Variants in TAF1 observed in about 807,000 individuals in gnomAD.
TAF1 encodes TATA-box binding protein associated factor 1.
A neutral mutation model predicts 138.5 loss-of-function variants in TAF1; 2 were observed. That is an observed-to-expected ratio of 0.01 (90% CI 0.01 to 0.05). The LOEUF is 0.05. Among genes scored for constraint, TAF1 ranks in the 10% least tolerant of loss-of-function variants. TAF1 has a pLI of 1.00. For synonymous variants in TAF1, 437 were observed against 503.2 expected (o/e 0.87, Z 1.76); for missense variants, 709 against 1,478.0 (o/e 0.48, Z 8.53).
intron 25 of TAF1, among the ~76,000 whole-genome samples, chrX:71,405,013 G>C (rs113184402): frequency 1.0e-5 from 1 of 97,222 alleles, no homozygotes. Flanking sequence ...CTGGAGTGCA[G>C]TGGCGCAATC....
At chrX:71,501,538 C>T (rs375865390) in intron 13 of TAF1, among the ~76,000 whole-genome samples, 5 of 104,556 alleles carry the variant, frequency 4.8e-5, no homozygotes, top group African/African-American at 1.4e-4. Context: ...GATAGATGGG[C>T]GAGTCTTGCT....
At position 71,464,718 on chromosome X, in the gene TAF1, A is replaced by T; in HGVS notation, c.*672A>T. The T allele has an allele frequency of 8.5e-6, 1 of 117,294 alleles. No individual in the cohort carries two copies. Among genetic ancestry groups the T allele is most frequent in the East Asian group, 2.6e-4 (1 of 3,915 alleles). The allele number at this position is 117,294 out of a possible 1,213,427, so 9.7% of individuals were successfully genotyped here. A position where few individuals can be genotyped will look rare whatever the true frequency, so the allele number is the denominator to read the frequency against. Reference sequence around the variant, plus strand: ...GAGATTCAGTCTCAAAAAAAAAAAAATTTCCAAGCATGGTATCATCTCACT... The same window carrying T: ...GAGATTCAGTCTCAAAAAAAAAAAATTTTCCAAGCATGGTATCATCTCACT... On this transcript the variant is annotated 3_prime_UTR_variant, in exon 38 of 38. Transcript: ENST00000423759.
chrX:71,422,631 A>G (rs937016358), intron 29 of TAF1, among the ~76,000 whole-genome samples: 5 of 110,325 alleles, frequency 4.5e-5, no homozygotes, highest in African/African-American at 1.6e-4. Flanking sequence ...AGCCTGGAAT[A>G]TCATTTATCT....
intron 1 of TAF1, among the ~76,000 whole-genome samples, chrX:71,367,068 C>T (rs1364256663): frequency 8.9e-6 from 1 of 112,129 alleles, no homozygotes; most frequent in Non-Finnish European, 1.9e-5. Flanking sequence ...TTCACTTAGG[C>T]CCGTTTTCTT....
intron 22 of TAF1, 36 bp from the exon 23 acceptor site, chrX:71,397,217 G>T: frequency 8.5e-7 from 1 of 1,182,536 alleles, no homozygotes; most frequent in African/African-American, 1.8e-5. Flanking sequence ...GGGAGATAAG[G>T]GGAACGTTTG....
intron 13 of TAF1, among the ~76,000 whole-genome samples, chrX:71,496,321 G>A (rs2039394040): frequency 8.9e-6 from 1 of 112,161 alleles, no homozygotes; most frequent in African/African-American, 3.2e-5. Flanking sequence ...TGGCCTCAGT[G>A]CTTTCGGGCT....
At chrX:71,420,097 A>G in intron 28 of TAF1, 1 of 444,084 alleles carries the variant, frequency 2.3e-6, no homozygotes, top group Non-Finnish European at 4.0e-6. Context: ...GGGGAGTACC[A>G]TGATGTCGCT....
chrX:71,377,729 T>G lies in TAF1; in HGVS notation c.841T>G (p.Cys281Gly), dbSNP rs1208211731. The G allele has an allele frequency of 1.7e-6, 2 of 1,210,087 alleles. No homozygotes were observed. The highest frequency in any genetic ancestry group is 4.4e-5 in the Admixed American group (2 of 45,749). ...IQEEQIQEVECSVESEVSQKS... is the reference protein window; with the variant it reads ...IQEEQIQEVEGSVESEVSQKS... The stretch of plus-strand genomic sequence containing the variant: ...GGAAGAGCAGATCCAGGAGGTGGAG[T>G]GCTCAGTAGAATCAGAAGTCAGCCA... The change falls in exon 6 of 38, where the codon TGC (cysteine) becomes GGC (glycine). Residue 281 changes from cysteine to glycine, a missense_variant. Physicochemically the swap from Cys to Gly is radical, Grantham distance 159 (BLOSUM62 -3). Transcript: ENST00000423759.
At position 71,366,371 on chromosome X, in the gene TAF1, C is replaced by T. The variant is rs1370503632; in HGVS notation, c.-4C>T. 8.3e-7 allele frequency: 1 copy of T among 1,207,822 alleles called. No individual in the cohort carries two copies. Among genetic ancestry groups the T allele is most frequent in the East Asian group, 3.0e-5 (1 of 33,683 alleles). On this transcript the variant is annotated 5_prime_UTR_variant, in exon 1 of 38. Coordinates refer to ENST00000423759, the MANE Select transcript of TAF1 (RefSeq NM_004606.5). The stretch of plus-strand genomic sequence containing the variant: ...CAGCAGCTACCATCACTGCTGCCGC[C>T]ATCATGTCAGACACGGACAGCGACG...
intron 13 of TAF1, among the ~76,000 whole-genome samples, chrX:71,495,799 T>G (rs1365548207): frequency 1.8e-5 from 2 of 111,864 alleles, no homozygotes; most frequent in Non-Finnish European, 3.8e-5. Context: ...GGAGTATTGG[T>G]TGTATGGCCC....
intron 13 of TAF1, among the ~76,000 whole-genome samples, chrX:71,519,791 T>TTTTA (rs1325736733): frequency 9.0e-6 from 1 of 111,697 alleles, no homozygotes; most frequent in Non-Finnish European, 1.9e-5. Flanking sequence ...TTGTTCCTTG[T>TTTTA]TTTATTTATT....
chrX:71,457,728 G>C (rs2038369147), intron 34 of TAF1, among the ~76,000 whole-genome samples: 1 of 112,054 alleles, frequency 8.9e-6, no homozygotes, highest in Admixed American at 9.5e-5. Flanking sequence ...AAGTGTTGGG[G>C]CCAGGACTCA....
chrX:71,503,070 A>G (rs934981830), intron 13 of TAF1, among the ~76,000 whole-genome samples: 4 of 109,582 alleles, frequency 3.7e-5, no homozygotes, highest in African/African-American at 1.3e-4. Context: ...CAGAAGTTTG[A>G]GACCAGCCTG....
chrX:71,444,098 C>T (rs1217366850), intron 32 of TAF1, among the ~76,000 whole-genome samples: 1 of 110,978 alleles, frequency 9.0e-6, no homozygotes, highest in Non-Finnish European at 1.9e-5. Context: ...ACCTTCGCCT[C>T]CCGGGTTTGA....
chrX:71,404,132 C>T (rs2035328723), intron 25 of TAF1, among the ~76,000 whole-genome samples: 1 of 109,094 alleles, frequency 9.2e-6, no homozygotes, highest in Admixed American at 9.9e-5. Flanking sequence ...TGCCACCACA[C>T]CTGGCTAATT....
chrX:71,468,265 AAAG>A (rs1174702841), downstream of TAF1, among the ~76,000 whole-genome samples: 2 of 109,705 alleles, frequency 1.8e-5, no homozygotes, highest in East Asian at 5.7e-4. Flanking sequence ...AAAAGAGAAA[AAAG>A]AATTTTCATA....
At chrX:71,399,567 CTTTTTTTT>C (rs35622645) in intron 24 of TAF1, among the ~76,000 whole-genome samples, 77 of 28,940 alleles carry the variant, frequency 2.7e-3, no homozygotes, top group African/African-American at 0.011. Context: ...GTTATTTATT[CTTTTTTTT>C]TTTTTTTTTT....
In TAF1 at chrX:71,420,336, T is replaced by G. The variant is rs144605282; in HGVS notation, c.4385-973T>G. ...CAGGGAAGTCCTCACTGACTCTTTG[T>G]CTGAGAACTCTATATATGCAAACCC... On this transcript the variant is annotated intron_variant, in intron 28 of 37. Transcript: ENST00000423759. 721 of 1,185,917 alleles carry G rather than the reference T, an allele frequency of 6.1e-4. 3 individuals carry two copies. In the African/African-American group the frequency reaches 0.012, roughly 19 times the overall value.
At position 71,388,830 on chromosome X, in the gene TAF1, G is replaced by A. The variant is rs1247521115; in HGVS notation, c.2662G>A (p.Ala888Thr). Reference sequence around the variant, plus strand: ...TATGGTGTCACCAGAGCAGTGCTGTGCTTATTATAGCATGATAGCTGCAGA... The same window carrying A: ...TATGGTGTCACCAGAGCAGTGCTGTACTTATTATAGCATGATAGCTGCAGA... The part of the protein sequence containing the change: ...RAMVSPEQCC[A>T]YYSMIAAEQR... The change falls in exon 17 of 38, where the codon GCT (alanine) becomes ACT (threonine). Residue 888 changes from alanine to threonine, a missense_variant. Coordinates refer to ENST00000423759, the MANE Select transcript of TAF1 (RefSeq NM_004606.5). 1 of 1,210,942 alleles carries A rather than the reference G, an allele frequency of 8.3e-7. No homozygotes were observed. Among genetic ancestry groups the A allele is most frequent in the Admixed American group, 2.2e-5 (1 of 45,943 alleles).
Sources: gnomAD v4.1 joint callset for allele counts (sites outside exome capture counted in the v4.1 genomes callset) on GRCh38, gnomAD v4.1.1 for gene constraint, MANE v1.5 for transcripts, NCBI Gene and HGNC (gene_info 2026-07-23, HGNC 2026-07-21) for gene names.